The following ARK2C variants were observed in gnomAD, a reference collection of about 807,000 sequenced individuals.
The protein encoded by ARK2C is arkadia (RNF111) C-terminal like ring finger ubiquitin ligase 2C, also known as E3 ubiquitin-protein ligase ARK2C.
chr18:46,369,613 A>C, the ARK2C span, among the ~76,000 whole-genome samples: 1 of 152,000 alleles, frequency 6.6e-6, no homozygotes, highest in African/African-American at 2.4e-5. Context: ...TAGCCAGAAA[A>C]CTTTGGCCTG....
the ARK2C span, among the ~76,000 whole-genome samples, chr18:46,389,335 G>A: frequency 2.0e-5 from 3 of 152,184 alleles, no homozygotes; most frequent in Non-Finnish European, 4.4e-5. Flanking sequence ...CAACAATGCT[G>A]ATAAATAAAA....
the ARK2C span, among the ~76,000 whole-genome samples, chr18:46,388,096 G>C: frequency 6.6e-6 from 1 of 152,202 alleles, no homozygotes; most frequent in South Asian, 2.1e-4. Flanking sequence ...AGCTGAGAGA[G>C]AGAAAGTGGC....
At chr18:46,437,875 C>G in the ARK2C span, among the ~76,000 whole-genome samples, 1 of 152,196 alleles carries the variant, frequency 6.6e-6, no homozygotes, top group Non-Finnish European at 1.5e-5. Flanking sequence ...CTCTAAGTAC[C>G]TGGGACCTGT....
At chr18:46,372,761 C>T in the ARK2C span, among the ~76,000 whole-genome samples, 2 of 152,254 alleles carry the variant, frequency 1.3e-5, no homozygotes, top group Non-Finnish European at 2.9e-5. Context: ...TTTATCCATA[C>T]TTGTTAAACC....
At chr18:46,351,533 C>G in the ARK2C span, among the ~76,000 whole-genome samples, 1 of 152,186 alleles carries the variant, frequency 6.6e-6, no homozygotes, top group African/African-American at 2.4e-5. Context: ...CTGCCATTGT[C>G]CTCCCTCAGC....
the ARK2C span, among the ~76,000 whole-genome samples, chr18:46,393,439 T>C: frequency 6.6e-6 from 1 of 152,194 alleles, no homozygotes; most frequent in Non-Finnish European, 1.5e-5. Context: ...AAGGGTGCGC[T>C]GTTTCCTCTT....
chr18:46,384,983 C>T, the ARK2C span, among the ~76,000 whole-genome samples: 17 of 152,348 alleles, frequency 1.1e-4, no homozygotes, highest in African/African-American at 3.1e-4. Context: ...TTGATGGTCA[C>T]CTTTGTGCCC....
At chr18:46,352,253 G>A in the ARK2C span, among the ~76,000 whole-genome samples, 1 of 152,140 alleles carries the variant, frequency 6.6e-6, no homozygotes, top group South Asian at 2.1e-4. Context: ...AAAATGGGAA[G>A]GCAGCCAGTA....
At chr18:46,422,407 A>C in the ARK2C span, among the ~76,000 whole-genome samples, 9 of 152,230 alleles carry the variant, frequency 5.9e-5, no homozygotes, top group African/African-American at 1.9e-4. Flanking sequence ...CAGAAGATAC[A>C]GGAAACAAGA....
chr18:46,375,835 C>A, the ARK2C span, among the ~76,000 whole-genome samples: 2 of 152,142 alleles, frequency 1.3e-5, no homozygotes, highest in Non-Finnish European at 2.9e-5. Flanking sequence ...CTGCTTACAT[C>A]AAACAACTGG....
the ARK2C span, among the ~76,000 whole-genome samples, chr18:46,413,236 G>C: frequency 6.6e-6 from 1 of 152,130 alleles, no homozygotes. Flanking sequence ...CAAGGGTACT[G>C]ATCCTCAAGT....
chr18:46,372,789 G>T, the ARK2C span, among the ~76,000 whole-genome samples: 4 of 152,356 alleles, frequency 2.6e-5, no homozygotes, highest in African/African-American at 9.6e-5. Context: ...TTTCGAGAGC[G>T]CCAAAATCCA....
the ARK2C span, among the ~76,000 whole-genome samples, chr18:46,367,936 C>T: frequency 8.9e-4 from 136 of 152,344 alleles, 1 homozygote; most frequent in African/African-American, 3.0e-3. Flanking sequence ...TGCCCAGTTA[C>T]GGTTGAGAAT....
At chr18:46,444,565 A>G in the ARK2C span, among the ~76,000 whole-genome samples, 1 of 152,112 alleles carries the variant, frequency 6.6e-6, no homozygotes, top group Non-Finnish European at 1.5e-5. Context: ...CCTGGGCTCA[A>G]GTGATCCTTC....
At chr18:46,343,670 C>T in the ARK2C span, among the ~76,000 whole-genome samples, 1 of 152,242 alleles carries the variant, frequency 6.6e-6, no homozygotes, top group Non-Finnish European at 1.5e-5. Context: ...ATTGCCCCTG[C>T]CTGCTCTAAA....
the ARK2C span, among the ~76,000 whole-genome samples, chr18:46,395,345 G>A: frequency 6.6e-6 from 1 of 152,286 alleles, no homozygotes; most frequent in East Asian, 1.9e-4. Context: ...GACATTTTGG[G>A]CAGGATGATT....
At chr18:46,399,457 G>A in the ARK2C span, among the ~76,000 whole-genome samples, 36 of 152,322 alleles carry the variant, frequency 2.4e-4, 1 homozygote, top group East Asian at 6.2e-3. Context: ...GCCTCGGCAC[G>A]TGACCTCCTG....
At chr18:46,391,344 G>C in the ARK2C span, among the ~76,000 whole-genome samples, 2 of 152,110 alleles carry the variant, frequency 1.3e-5, no homozygotes, top group African/African-American at 4.8e-5. Flanking sequence ...TTGGCCAAAT[G>C]GGACGACATT....
At chr18:46,397,143 G>A in the ARK2C span, among the ~76,000 whole-genome samples, 2 of 152,172 alleles carry the variant, frequency 1.3e-5, no homozygotes, top group Admixed American at 6.5e-5. Context: ...TGCCGGAGGC[G>A]TCCCCTCTTT....
Sources: gnomAD v4.1 joint callset for allele counts (sites outside exome capture counted in the v4.1 genomes callset) on GRCh38, gnomAD v4.1.1 for gene constraint, MANE v1.5 for transcripts, NCBI Gene and HGNC (gene_info 2026-07-23, HGNC 2026-07-21) for gene names.